INTS3: variants seen among roughly 807,000 people sequenced by gnomAD.
The protein encoded by INTS3 is integrator complex subunit 3, also known as SOSS complex subunit A.
In INTS3, 34 loss-of-function variants were observed where a neutral mutation model predicts 146.3. The observed-to-expected ratio is 0.23, with a 90% CI of 0.18 to 0.31. The LOEUF (loss-of-function observed/expected upper bound fraction) is 0.31. INTS3 is among the 10% of genes least tolerant of loss of function. The probability of loss-of-function intolerance (pLI) is 1.00; values close to 1 mark genes in which losing one functional copy is unlikely to be tolerated. For missense variants in INTS3, 757 were observed against 1,304.2 expected (o/e 0.58, Z 6.46); for synonymous variants, 475 against 494.9 (o/e 0.96, Z 0.53).
rs1491428244 is a variant in INTS3 at position 153,731,577 on chromosome 1, C to CTTTTTTTTTT, written c.150+2794_150+2795insTTTTTTTTTT. 3.9e-5 allele frequency among the ~76,000 whole-genome samples: 5 copies of CTTTTTTTTTT among 129,228 alleles called. 2 individuals carry two copies. The highest frequency in any genetic ancestry group is 1.6e-5 in the Non-Finnish European group (1 of 61,470). 84.8% of individuals were successfully genotyped at this position (129,228 alleles called of 152,430 possible). A position where few individuals can be genotyped will look rare whatever the true frequency, so the allele number is the denominator to read the frequency against. On this transcript the variant is annotated intron_variant, in intron 1 of 29. Transcript: ENST00000318967. Reference sequence around the variant, plus strand: ...TGAAAGTGGGAGGCCCAAGAGCGTCCTCTTTTTTTTTTTTTTTTTTTTTGA... The same window carrying CTTTTTTTTTT: ...TGAAAGTGGGAGGCCCAAGAGCGTCCTTTTTTTTTTTCTTTTTTTTTTTTTTTTTTTTTGA...
chr1:153,752,482 G>T, intron 8 of INTS3, 74 bp downstream of exon 8: 1 of 1,471,996 alleles, frequency 6.8e-7, no homozygotes, highest in Non-Finnish European at 9.2e-7. Flanking sequence ...AATCAAGAAG[G>T]TAGAGGTTGG....
chr1:153,770,905 C>A (rs998030153), intron 25 of INTS3, among the ~76,000 whole-genome samples, 172 bp downstream of exon 25: 4 of 152,196 alleles, frequency 2.6e-5, no homozygotes, highest in African/African-American at 9.7e-5. Context: ...CCCCTGGGAT[C>A]TGGGCTTCCT....
Position 153,772,922 on chromosome 1 carries a change from T to A in INTS3, c.2895-3T>A, listed in dbSNP as rs757979155. 6.2e-7 allele frequency: 1 copy of A among 1,614,096 alleles called. No individual in the cohort carries two copies. ...TCAAAGAGCTACCGCTCCTTTTCCTTAGATTCAGTGATCTCTTCTCCCTGG... is the reference window on the plus strand; with the variant it reads ...TCAAAGAGCTACCGCTCCTTTTCCTAAGATTCAGTGATCTCTTCTCCCTGG... On this transcript the variant is annotated splice_region_variant and splice_polypyrimidine_tract_variant and intron_variant, in intron 28 of 29. Coordinates refer to ENST00000318967, the MANE Select transcript of INTS3 (RefSeq NM_023015.5). The surrounding 1 kb of genome is among the most constrained non-coding windows in gnomAD (Gnocchi z 4.6).
rs1671521742 is a variant in INTS3, at chr1:153,741,188, T to C, written c.235-97T>C. 3.8e-5 allele frequency: 32 copies of C among 841,074 alleles called. 1 individual carries two copies. The South Asian group carries it at 4.4e-4, about 12-fold the overall frequency. 52.1% of individuals were successfully genotyped at this position (841,074 alleles called of 1,614,324 possible). ...TAAAAGTTGATTATTCTCCTTTGCA[T>C]CTTCCTTAGGAGTCCCATGTTTTCT... On this transcript the variant is annotated intron_variant, in intron 2 of 29. Transcript: ENST00000318967.
intron 3 of INTS3, among the ~76,000 whole-genome samples, chr1:153,743,677 A>G (rs1671620771): frequency 6.6e-6 from 1 of 152,054 alleles, no homozygotes; most frequent in Admixed American, 6.6e-5. Context: ...TTTATTTTCT[A>G]TTTGGTGTCT....
chr1:153,762,939 C>A, intron 15 of INTS3, 92 bp downstream of exon 15: 1 of 1,502,158 alleles, frequency 6.7e-7, no homozygotes, highest in Non-Finnish European at 9.1e-7. Context: ...TCCTGTCACC[C>A]TTATTCCTGT....
intron 11 of INTS3, 90 bp downstream of exon 11, chr1:153,759,703 A>T: frequency 2.4e-6 from 2 of 829,668 alleles, no homozygotes; most frequent in South Asian, 2.8e-5. Flanking sequence ...ATCTCAGGGC[A>T]CCGTGGAGTG....
Position 153,772,761 on chromosome 1 carries a change from A to G in INTS3, c.2894+50A>G. 1.3e-6 allele frequency: 2 copies of G among 1,599,862 alleles called. No individual in the cohort carries two copies. The highest frequency in any genetic ancestry group is 1.7e-6 in the Non-Finnish European group (2 of 1,172,546). ...TTGGAAAGTAGTAGGGGAAAAGCCT[A>G]AGGGAGAGGAAGCCTGCTAGGGACA... On this transcript the variant is annotated intron_variant, in intron 28 of 29. Coordinates refer to ENST00000318967, the MANE Select transcript of INTS3 (RefSeq NM_023015.5). The surrounding 1 kb of genome is among the most constrained non-coding windows in gnomAD (Gnocchi z 4.6).
At chr1:153,764,397 C>T (rs954141659) in intron 18 of INTS3, among the ~76,000 whole-genome samples, 176 bp downstream of exon 18, 3 of 152,192 alleles carry the variant, frequency 2.0e-5, no homozygotes, top group South Asian at 2.1e-4. Context: ...GAACACCGTG[C>T]GTACTGGGGA....
intron 15 of INTS3, 132 bp from the exon 16 acceptor site, chr1:153,763,101 A>G: frequency 1.7e-6 from 2 of 1,203,180 alleles, no homozygotes; most frequent in East Asian, 2.3e-5. Context: ...GAGATGCTTC[A>G]GGCACTCACA....
chr1:153,748,749 A>G lies in INTS3; in HGVS notation c.578A>G (p.Glu193Gly), dbSNP rs759495791. 1 of 1,613,924 alleles carries G rather than the reference A, an allele frequency of 6.2e-7. No homozygotes were observed. The highest frequency in any genetic ancestry group is 8.5e-7 in the Non-Finnish European group (1 of 1,179,778). The part of the protein sequence containing the change: ...LAESVLDILT[E>G]QREWVLKSSI... ...GAAAGTGTTCTGGATATCCTGACAG[A>G]GCAAAGGTAGCATCCACCACGAAGG... Residue 193 changes from glutamate to glycine, a missense_variant, in exon 6 of 30, where the codon GAG becomes GGG. This residue lies in a region of INTS3 where 134 missense variants were observed against 243.1 expected (regional missense o/e 0.55). Coordinates refer to ENST00000318967, the MANE Select transcript of INTS3 (RefSeq NM_023015.5).
rs372079646 is a variant in INTS3, at chr1:153,747,582, T to C, written c.517+219T>C. On this transcript the variant is annotated intron_variant, in intron 5 of 29. Transcript: ENST00000318967. Reference sequence around the variant, plus strand: ...AGCAGTAAGTCTTGCCTCATTTTCTTTCCTGCTAAACCCAGGGCTTGACAG... The same window carrying C: ...AGCAGTAAGTCTTGCCTCATTTTCTCTCCTGCTAAACCCAGGGCTTGACAG... The C allele has an allele frequency of 1.2e-3, 703 of 588,672 alleles. 2 individuals are homozygous for C. The highest frequency in any genetic ancestry group is 0.01 in the African/African-American group (544 of 53,834). 36.5% of individuals were successfully genotyped at this position (588,672 alleles called of 1,614,324 possible).
Position 153,764,162 on chromosome 1 carries a change from A to G in INTS3, c.1866A>G (p.Leu622=). The change falls in exon 18 of 30, where the codon CTA becomes CTG. Residue 622 remains leucine, a synonymous_variant. Transcript: ENST00000318967. ...AGCTGTCTGTCCTTGCTTCCTGCCT[A>G]CAGGAGCTCTTCAAGGCCCACTTTC... is the stretch of plus-strand genomic sequence containing the variant. ...SEQLSVLASC[L]QELFKAHFRG... The G allele has an allele frequency of 6.2e-7, 1 of 1,614,044 alleles. No individual in the cohort carries two copies.
chr1:153,773,661 G>C lies in INTS3; in HGVS notation c.*391G>C. ...AAGGGGCAGCTGGCCAGATAAGCTA[G>C]GATGAGAGCAGAGACTCAGTGTGTG... On this transcript the variant is annotated 3_prime_UTR_variant, in exon 30 of 30. Coordinates refer to ENST00000318967, the MANE Select transcript of INTS3 (RefSeq NM_023015.5). 1 of 291,600 alleles carries C rather than the reference G, an allele frequency of 3.4e-6. No homozygotes were observed. 18.1% of individuals were successfully genotyped at this position (291,600 alleles called of 1,614,324 possible).
chr1:153,731,946 C>T (rs377012565), intron 1 of INTS3, among the ~76,000 whole-genome samples: 6 of 115,400 alleles, frequency 5.2e-5, no homozygotes, highest in Non-Finnish European at 8.2e-5. Context: ...CTCCCTCTGT[C>T]GCCCAGGCTG....
At chr1:153,739,539 C>T (rs1037713924) in intron 1 of INTS3, among the ~76,000 whole-genome samples, 1 of 150,682 alleles carries the variant, frequency 6.6e-6, no homozygotes, top group African/African-American at 2.4e-5. Flanking sequence ...TCTCCATGTT[C>T]GTCAGGCTGG....
At chr1:153,755,451 G>A (rs1158103243) in intron 9 of INTS3, among the ~76,000 whole-genome samples, 1 of 152,088 alleles carries the variant, frequency 6.6e-6, no homozygotes, top group African/African-American at 2.4e-5. Flanking sequence ...ATAGAGACGG[G>A]ATTTTTCCAT....
At chr1:153,764,793 C>T in intron 19 of INTS3, 59 bp downstream of exon 19, 1 of 1,484,884 alleles carries the variant, frequency 6.7e-7, no homozygotes, top group Admixed American at 1.7e-5. Context: ...ACAGCACACA[C>T]ATGTGCTCCT....
intron 19 of INTS3, 69 bp from the exon 20 acceptor site, chr1:153,764,875 T>G: frequency 1.2e-6 from 2 of 1,603,750 alleles, no homozygotes; most frequent in African/African-American, 2.7e-5. Context: ...CCATGCCACC[T>G]GAGAAACTCC....
Sources: allele counts gnomAD v4.1 joint callset (sites outside exome capture counted in the v4.1 genomes callset), GRCh38; gene constraint gnomAD v4.1.1; regional missense constraint gnomAD v4.1.1; non-coding constraint Gnocchi (gnomAD v3.1); transcripts MANE v1.5; gene names NCBI Gene and HGNC (gene_info 2026-07-23, HGNC 2026-07-21).